SPON1: variants seen among roughly 807,000 people sequenced by gnomAD.
The protein encoded by SPON1 is spondin 1, also known as spondin-1.
SPON1 carries 52 observed loss-of-function variants against 111.7 expected under a neutral mutation model. The observed-to-expected ratio is 0.47, with a 90% confidence interval of 0.37 to 0.59. SPON1 has a LOEUF of 0.59. SPON1 is among the 20% of genes least tolerant of loss of function. The probability of loss-of-function intolerance (pLI) is 0.00; values close to 1 mark genes in which losing one functional copy is unlikely to be tolerated. For missense variants in SPON1, 957 were observed against 1,068.5 expected, an observed-to-expected ratio of 0.90 and a Z score of 1.46; for synonymous variants, 410 against 395.8, an observed-to-expected ratio of 1.04 and a Z score of -0.43.
At chr11:13,983,030 G>A (rs1229570725) in intron 2 of SPON1, 77 bp downstream of exon 2, 1 of 1,010,832 alleles carries the variant, frequency 9.9e-7, no homozygotes, top group Non-Finnish European at 1.5e-6. Flanking sequence ...AAGTGTCTCA[G>A]GTGGCTTCCC....
At chr11:14,163,960 C>A (rs975382585) in intron 6 of SPON1, among the ~76,000 whole-genome samples, 8 of 152,136 alleles carry the variant, frequency 5.3e-5, no homozygotes, top group Non-Finnish European at 1.2e-4. Flanking sequence ...AACTGGGAAG[C>A]ATTCAATTCT....
intron 6 of SPON1, among the ~76,000 whole-genome samples, chr11:14,190,610 C>T (rs1262093019): frequency 6.6e-6 from 1 of 151,294 alleles, no homozygotes; most frequent in African/African-American, 2.4e-5. Flanking sequence ...CTTCCTCCTT[C>T]CTCCCTTGCT....
Position 13,963,112 on chromosome 11 carries a change from G to T in SPON1, c.208G>T (p.Asp70Tyr), listed in dbSNP as rs371816234. Residue 70 changes from aspartate (D) to tyrosine (Y), a missense_variant, in exon 1 of 16, where the codon GAC becomes TAC. Asp to Tyr is a radical substitution (Grantham distance 160, BLOSUM62 -3). This residue lies in a region of SPON1 where 262 missense variants were observed against 253.9 expected (regional missense o/e 1.03). Transcript: ENST00000576479. ...CAGCCTCCGCGTGGAGGGCGACCCC[G>T]ACTTCTACAAGCCGGGAACCAGCTA... ...EFSLRVEGDP[D>Y]FYKPGTSYRV... The T allele has an allele frequency of 3.3e-6, 5 of 1,534,540 alleles. No homozygotes were observed. The highest frequency in any genetic ancestry group is 2.6e-5 in the East Asian group (1 of 38,076).
intron 6 of SPON1, chr11:14,224,755 A>G: frequency 2.0e-6 from 1 of 502,414 alleles, no homozygotes; most frequent in Non-Finnish European, 4.0e-6. Flanking sequence ...AGACTGAGGG[A>G]GATATGAGGC....
At chr11:14,224,117 C>G (rs1296478484) in intron 6 of SPON1, among the ~76,000 whole-genome samples, 1 of 152,162 alleles carries the variant, frequency 6.6e-6, no homozygotes, top group Non-Finnish European at 1.5e-5. Flanking sequence ...TATTTAATAC[C>G]TCCCTTGTGC....
At position 13,988,492 on chromosome 11, in the gene SPON1, A is replaced by T. The variant is rs182063128; in HGVS notation, c.345+5539A>T. Among the ~76,000 whole-genome samples the T allele has an allele frequency of 9.3e-3, 1,423 of 152,268 alleles. 88 individuals carry two copies. Among genetic ancestry groups the T allele is most frequent in the Admixed American group, 0.088 (1,348 of 15,286 alleles). ...TAAGTATACAATCATGTCATCTACA[A>T]ATAGAGACAATTTGACTTCCTCTCT... On this transcript the variant is annotated intron_variant, in intron 2 of 15. Coordinates refer to ENST00000576479, the MANE Select transcript of SPON1 (RefSeq NM_006108.4).
intron 3 of SPON1, among the ~76,000 whole-genome samples, chr11:14,064,421 C>A (rs1237568449): frequency 6.6e-6 from 1 of 152,182 alleles, no homozygotes; most frequent in African/African-American, 2.4e-5. Context: ...TGATTGGGAT[C>A]TGACGAGGCA....
intron 5 of SPON1, among the ~76,000 whole-genome samples, chr11:14,090,486 G>T (rs1849041755): frequency 6.6e-6 from 1 of 152,254 alleles, no homozygotes; most frequent in East Asian, 1.9e-4. Flanking sequence ...TGTCTCTTCT[G>T]ATGTTCAGAT....
chr11:14,248,232 A>G (rs1554940393), intron 7 of SPON1, among the ~76,000 whole-genome samples: 1 of 152,226 alleles, frequency 6.6e-6, no homozygotes, highest in Non-Finnish European at 1.5e-5. Context: ...ATGAGGGGGA[A>G]AAACAGCCCG....
In SPON1 at chr11:14,143,360, A is replaced by G. The variant is rs542219845; in HGVS notation, c.825+7792A>G. ...GCAGATCACTTGAGCTCAGGAGTTC[A>G]AGACCAGCCTGGGCAACACAGTGAG... On this transcript the variant is annotated intron_variant, in intron 6 of 15. Coordinates refer to ENST00000576479, the MANE Select transcript of SPON1 (RefSeq NM_006108.4). Among the ~76,000 whole-genome samples, 4 of 152,194 alleles carry G rather than the reference A, an allele frequency of 2.6e-5. No homozygotes were observed. The East Asian group carries it at 7.7e-4, about 29-fold the overall frequency.
chr11:14,208,358 T>TA (rs565195037), intron 6 of SPON1, among the ~76,000 whole-genome samples: 42 of 147,264 alleles, frequency 2.9e-4, no homozygotes, highest in African/African-American at 6.4e-4. Context: ...ACTTAAAAGT[T>TA]AAAAAAAAAA....
chr11:14,006,389 C>T (rs1446992547), intron 2 of SPON1, among the ~76,000 whole-genome samples: 1 of 152,012 alleles, frequency 6.6e-6, no homozygotes, highest in Non-Finnish European at 1.5e-5. Context: ...GAGCTCTCAT[C>T]AATATGGAAG....
chr11:14,158,871 T>A (rs10832213), intron 6 of SPON1, among the ~76,000 whole-genome samples: 60,852 of 151,888 alleles, frequency 0.4, 12,384 homozygotes, highest in East Asian at 0.55. Flanking sequence ...CTCTTGCATC[T>A]TTCTGATTTG....
At chr11:13,970,423 T>C (rs1259102934) in intron 1 of SPON1, among the ~76,000 whole-genome samples, 1 of 152,184 alleles carries the variant, frequency 6.6e-6, no homozygotes, top group Non-Finnish European at 1.5e-5. Flanking sequence ...CTCTCTACAG[T>C]TGTGGTTGAG....
At chr11:14,166,169 C>T (rs1435615396) in intron 6 of SPON1, among the ~76,000 whole-genome samples, 1 of 152,162 alleles carries the variant, frequency 6.6e-6, no homozygotes, top group Non-Finnish European at 1.5e-5. Context: ...AGAAGCATGC[C>T]ATTCCAGTCA....
At chr11:13,968,862 G>A (rs1554908323) in intron 1 of SPON1, among the ~76,000 whole-genome samples, 1 of 152,116 alleles carries the variant, frequency 6.6e-6, no homozygotes, top group Non-Finnish European at 1.5e-5. Context: ...AAGGAAGGCT[G>A]GGAAATATAG....
chr11:13,977,317 G>A (rs1848110408), intron 1 of SPON1, among the ~76,000 whole-genome samples: 1 of 152,202 alleles, frequency 6.6e-6, no homozygotes, highest in Non-Finnish European at 1.5e-5. Flanking sequence ...AACAGTGTGT[G>A]AAAGTTCTAG....
chr11:14,135,402 C>G lies in SPON1; in HGVS notation c.677-18C>G, dbSNP rs1244995303. ...GCCACAGCCATGCTGATAACTGCCTCCTGATTGGCTTTCCCAGGTCGGGCC... is the reference window on the plus strand; with the variant it reads ...GCCACAGCCATGCTGATAACTGCCTGCTGATTGGCTTTCCCAGGTCGGGCC... On this transcript the variant is annotated intron_variant, in intron 5 of 15. Coordinates refer to ENST00000576479, the MANE Select transcript of SPON1 (RefSeq NM_006108.4). The surrounding 1 kb of genome is among the most constrained non-coding windows in gnomAD (Gnocchi z 4.4). The G allele has an allele frequency of 4.4e-6, 7 of 1,601,592 alleles. No homozygotes were observed. The highest frequency in any genetic ancestry group is 6.0e-6 in the Non-Finnish European group (7 of 1,170,304).
At chr11:14,063,155 A>C (rs1387414453) in intron 3 of SPON1, among the ~76,000 whole-genome samples, 1 of 152,130 alleles carries the variant, frequency 6.6e-6, no homozygotes, top group African/African-American at 2.4e-5. Flanking sequence ...CAACCTTAGG[A>C]TATAGATTTT....
Sources: gnomAD v4.1 joint callset for allele counts (sites outside exome capture counted in the v4.1 genomes callset) on GRCh38, gnomAD v4.1.1 for gene constraint, gnomAD v4.1.1 regional missense constraint, Gnocchi (gnomAD v3.1) non-coding constraint, MANE v1.5 for transcripts, NCBI Gene and HGNC (gene_info 2026-07-23, HGNC 2026-07-21) for gene names.